The following FKBP9 variants were observed in gnomAD, a reference collection of about 807,000 sequenced individuals.
FKBP9 encodes FKBP prolyl isomerase 9, also known as peptidyl-prolyl cis-trans isomerase FKBP9.
In FKBP9, 27 loss-of-function variants were observed where a neutral mutation model predicts 55.6. That is an observed-to-expected ratio of 0.49 (90% confidence interval 0.36 to 0.67). FKBP9 has a LOEUF of 0.67. FKBP9 is among the 30% of genes least tolerant of loss of function. The pLI is 0.00. For synonymous variants in FKBP9, 267 were observed against 296.5 expected, an observed-to-expected ratio of 0.90 and a Z score of 1.02; for missense variants, 539 against 742.8, an observed-to-expected ratio of 0.73 and a Z score of 3.19.
At chr7:32,978,299 A>G (rs1562567601) in intron 4 of FKBP9, among the ~76,000 whole-genome samples, 1 of 151,794 alleles carries the variant, frequency 6.6e-6, no homozygotes, top group Non-Finnish European at 1.5e-5. Flanking sequence ...TTCCCTACTA[A>G]AAGAAAAATA....
intron 6 of FKBP9, among the ~76,000 whole-genome samples, chr7:32,994,456 A>C (rs1440417878): frequency 6.6e-6 from 1 of 152,138 alleles, no homozygotes; most frequent in Non-Finnish European, 1.5e-5. Context: ...CTGCCTCTGC[A>C]GACACCCACC....
intron 5 of FKBP9, among the ~76,000 whole-genome samples, chr7:32,982,085 A>G (rs2127983560): frequency 6.6e-6 from 1 of 150,524 alleles, no homozygotes; most frequent in African/African-American, 2.4e-5. Flanking sequence ...CAGTGGCACA[A>G]TCTTGGCTCA....
intron 1 of FKBP9, among the ~76,000 whole-genome samples, chr7:32,974,200 G>A (rs1324409161): frequency 3.2e-5 from 1 of 31,410 alleles, no homozygotes; most frequent in African/African-American, 2.5e-4. Flanking sequence ...TAGTAGAGGC[G>A]GGGGGGCCTC....
chr7:32,979,687 G>A lies in FKBP9; in HGVS notation c.704-677G>A, dbSNP rs1784435656. The A allele has an allele frequency of 1.6e-4, 133 of 834,644 alleles. 1 individual carries two copies. In the South Asian group the frequency reaches 1.8e-3, roughly 11 times the overall value. The allele number at this position is 834,644 out of a possible 1,614,324, so 51.7% of individuals were successfully genotyped here. A position where few individuals can be genotyped will look rare whatever the true frequency, so the allele number is the denominator to read the frequency against. ...GTTGATCTTTGCAGGAAGAACTAGT[G>A]TCCTGTAATCTCTTCATGTGGATTT... On this transcript the variant is annotated intron_variant, in intron 4 of 9. Coordinates refer to ENST00000242209, the MANE Select transcript of FKBP9 (RefSeq NM_007270.5).
At chr7:32,984,238 G>A (rs1486854895) in intron 5 of FKBP9, among the ~76,000 whole-genome samples, 1 of 150,952 alleles carries the variant, frequency 6.6e-6, no homozygotes, top group Non-Finnish European at 1.5e-5. Context: ...AAAGTAATAT[G>A]TTCTTTTTTT....
At chr7:32,990,612 A>G (rs1263320248) in intron 6 of FKBP9, among the ~76,000 whole-genome samples, 1 of 152,230 alleles carries the variant, frequency 6.6e-6, no homozygotes, top group Non-Finnish European at 1.5e-5. Context: ...GGGATTGTCT[A>G]TGCGTATTAC....
intron 6 of FKBP9, chr7:32,992,882 C>T (rs1414352611): frequency 8.7e-6 from 2 of 230,652 alleles, no homozygotes; most frequent in African/African-American, 2.2e-5. Context: ...ATGTGTGTGC[C>T]TCAGAGGTTA....
chr7:32,979,271 G>GAA (rs112212455), intron 4 of FKBP9, among the ~76,000 whole-genome samples: 2 of 142,012 alleles, frequency 1.4e-5, no homozygotes, highest in African/African-American at 5.1e-5. Flanking sequence ...TCCGTCTCAA[G>GAA]AAAAAAAAAA....
intron 3 of FKBP9, 31 bp downstream of exon 3, chr7:32,975,402 G>A (rs1017019033): frequency 3.2e-6 from 5 of 1,579,838 alleles, no homozygotes; most frequent in Non-Finnish European, 4.4e-6. Context: ...CAGTATCAGT[G>A]AAATGTCCCA....
chr7:33,003,356 C>G (rs369011003), intron 9 of FKBP9, among the ~76,000 whole-genome samples: 14 of 152,326 alleles, frequency 9.2e-5, no homozygotes, highest in African/African-American at 2.4e-4. Context: ...CATCCTCCAG[C>G]CTTTTCCTCT....
In FKBP9 at chr7:32,980,477, C is replaced by A. The variant is rs761363029; in HGVS notation, c.817C>A (p.Arg273=). ...ENKVVPENCE[R]ISQSGDFLRY... ...CAAGGTAGTACCTGAAAACTGTGAG[C>A]GGATAAGTCAAAGTGGGGACTTTCT... The change falls in exon 5 of 10, where the codon CGG becomes AGG. Residue 273 remains arginine (R), a synonymous_variant. Transcript: ENST00000242209. The A allele has an allele frequency of 6.2e-7, 1 of 1,613,742 alleles. No homozygotes were observed. Among genetic ancestry groups the A allele is most frequent in the Non-Finnish European group, 8.5e-7 (1 of 1,179,818 alleles).
intron 9 of FKBP9, among the ~76,000 whole-genome samples, chr7:33,004,469 C>T (rs1298150592): frequency 1.3e-5 from 2 of 152,162 alleles, no homozygotes; most frequent in South Asian, 2.1e-4. Context: ...GCCCTGGCAC[C>T]GGCTGCCCTC....
intron 6 of FKBP9, among the ~76,000 whole-genome samples, chr7:32,995,491 A>G (rs1206846380): frequency 6.6e-6 from 1 of 152,192 alleles, no homozygotes; most frequent in Non-Finnish European, 1.5e-5. Context: ...GCAGGGATTT[A>G]AAGGGAAAAT....
At position 32,957,625 on chromosome 7, in the gene FKBP9, C is replaced by A; in HGVS notation, c.52C>A (p.Leu18Ile). ...GCCGCCACCGCTGCTCCTGCTGCTG[C>A]TCTGGGTGACCGGGCAGGCAGCGCC... Reference protein sequence around the residue: ...PPPPPLLLLLLWVTGQAAPVA... With the variant: ...PPPPPLLLLLIWVTGQAAPVA... The change falls in exon 1 of 10, where the codon CTC (leucine) becomes ATC (isoleucine). Residue 18 changes from leucine to isoleucine, a missense_variant. By Grantham distance (5) the Leu-to-Ile change is conservative. Around this residue, in one of 4 missense-constraint regions of FKBP9, gnomAD observed 236 missense variants for 271.5 expected, o/e 0.87. Transcript: ENST00000242209. The A allele has an allele frequency of 6.7e-7, 1 of 1,495,450 alleles. No individual in the cohort carries two copies. The highest frequency in any genetic ancestry group is 8.8e-7 in the Non-Finnish European group (1 of 1,131,016). The allele number at this position is 1,495,450 out of a possible 1,614,324, so 92.6% of individuals were successfully genotyped here.
chr7:32,959,868 T>C (rs577634388), intron 1 of FKBP9, among the ~76,000 whole-genome samples: 1 of 152,348 alleles, frequency 6.6e-6, no homozygotes, highest in East Asian at 1.9e-4. Flanking sequence ...GCTTATACTT[T>C]TTGGCTATCA....
At chr7:32,974,271 C>A (rs2127980135) in intron 1 of FKBP9, among the ~76,000 whole-genome samples, 1 of 152,256 alleles carries the variant, frequency 6.6e-6, no homozygotes, top group African/African-American at 2.4e-5. Flanking sequence ...TTGCCTTGGC[C>A]TTCCAAAGCC....
At chr7:32,991,629 C>G (rs1583864614) in intron 6 of FKBP9, among the ~76,000 whole-genome samples, 1 of 151,696 alleles carries the variant, frequency 6.6e-6, no homozygotes, top group Non-Finnish European at 1.5e-5. Context: ...CATTCTGTCA[C>G]AGCCATTTTC....
At chr7:33,005,112 G>A in intron 9 of FKBP9, 63 bp from the exon 10 acceptor site, 3 of 1,577,244 alleles carry the variant, frequency 1.9e-6, no homozygotes, top group Admixed American at 1.8e-5. Flanking sequence ...CTCTGTTTCT[G>A]GCCCCAGGCC....
intron 1 of FKBP9, among the ~76,000 whole-genome samples, chr7:32,969,979 G>A (rs565212597): frequency 4.9e-4 from 75 of 151,826 alleles, no homozygotes; most frequent in Non-Finnish European, 6.6e-4. Context: ...TAGCCTGGGC[G>A]ACAGAGTGAG....
Sources: gnomAD v4.1 joint callset for allele counts (sites outside exome capture counted in the v4.1 genomes callset) on GRCh38, gnomAD v4.1.1 for gene constraint, gnomAD v4.1.1 regional missense constraint, MANE v1.5 for transcripts, NCBI Gene and HGNC (gene_info 2026-07-23, HGNC 2026-07-21) for gene names.